Variants in PDE5A observed in about 807,000 individuals in gnomAD.
PDE5A encodes the protein cGMP-specific 3',5'-cyclic phosphodiesterase.
PDE5A carries 67 observed loss-of-function variants against 110.2 expected under a neutral mutation model. The ratio of observed to expected loss-of-function variants is 0.61; its 90% CI spans 0.50 to 0.75. PDE5A has a LOEUF of 0.75. PDE5A is among the 30% of genes least tolerant of loss of function. PDE5A has a pLI of 0.00. For missense variants in PDE5A, 862 were observed against 1,045.1 expected (o/e 0.82, Z 2.42); for synonymous variants, 328 against 351.2 (o/e 0.93, Z 0.74).
chr4:119,628,623 G>A lies in PDE5A; in HGVS notation c.49C>T (p.Pro17Ser). The stretch of plus-strand genomic sequence containing the variant: ...CTCTGCTGCTGCTTCTGCTGCTGGG[G>A]CTGCTGCTGCTGTCGCTGCTGCCCG... Reference protein sequence around the residue: ...SFGQQRQQQQPQQQKQQQRDQ... With the variant: ...SFGQQRQQQQSQQQKQQQRDQ... Residue 17 changes from proline to serine, a missense_variant, in exon 1 of 21, where the codon CCC (proline) becomes TCC (serine). By Grantham distance (74) the Pro-to-Ser change is moderately conservative. Coordinates refer to ENST00000354960, the MANE Select transcript of PDE5A (RefSeq NM_001083.4). 1 of 1,612,634 alleles carries A rather than the reference G, an allele frequency of 6.2e-7. No individual in the cohort carries two copies. The highest frequency in any genetic ancestry group is 8.5e-7 in the Non-Finnish European group (1 of 1,179,154).
intron 15 of PDE5A, among the ~76,000 whole-genome samples, chr4:119,510,707 C>T (rs1725708108): frequency 6.6e-6 from 1 of 152,046 alleles, no homozygotes; most frequent in South Asian, 2.1e-4. Flanking sequence ...TTTGTGAAAG[C>T]AAATGCTTGA....
chr4:119,580,157 A>T (rs1035101971), intron 3 of PDE5A, among the ~76,000 whole-genome samples: 1 of 152,114 alleles, frequency 6.6e-6, no homozygotes, highest in African/African-American at 2.4e-5. Flanking sequence ...TGGCATAATT[A>T]TTGATCCTAG....
At chr4:119,575,511 A>G (rs1026792125) in intron 3 of PDE5A, among the ~76,000 whole-genome samples, 7 of 152,214 alleles carry the variant, frequency 4.6e-5, no homozygotes, top group African/African-American at 1.7e-4. Flanking sequence ...TACAAGCCTG[A>G]AGAGAGTGGG....
chr4:119,579,113 G>C (rs199866365), intron 3 of PDE5A, among the ~76,000 whole-genome samples: 1 of 149,766 alleles, frequency 6.7e-6, no homozygotes, highest in Non-Finnish European at 1.5e-5. Flanking sequence ...GGCCATCAGA[G>C]AAATGCAAAT....
intron 3 of PDE5A, among the ~76,000 whole-genome samples, chr4:119,568,142 CT>C (rs143090270): frequency 2.0e-4 from 30 of 147,502 alleles, no homozygotes; most frequent in Non-Finnish European, 1.5e-4. Flanking sequence ...CTCTCTCTCT[CT>C]TTTTTTTTTG....
chr4:119,498,885 CA>C, intron 20 of PDE5A, 147 bp from the exon 21 acceptor site: 2 of 732,358 alleles, frequency 2.7e-6, no homozygotes, highest in East Asian at 5.3e-5. Flanking sequence ...AGCACATACA[CA>C]GATCATTTAC....
At chr4:119,563,843 A>T (rs575691529) in intron 5 of PDE5A, among the ~76,000 whole-genome samples, 1 of 152,176 alleles carries the variant, frequency 6.6e-6, no homozygotes, top group Non-Finnish European at 1.5e-5. Context: ...AGAATAGAAC[A>T]GGGAGAACAT....
intron 11 of PDE5A, among the ~76,000 whole-genome samples, chr4:119,532,389 A>C (rs1726573282): frequency 6.6e-6 from 1 of 152,164 alleles, no homozygotes; most frequent in African/African-American, 2.4e-5. Context: ...CAACACAATG[A>C]TAGAGAATGT....
intron 20 of PDE5A, 80 bp downstream of exon 20, chr4:119,501,090 C>G (rs979449820): frequency 3.7e-6 from 3 of 816,916 alleles, no homozygotes; most frequent in Non-Finnish European, 6.1e-6. Flanking sequence ...ATATAGGCGC[C>G]TAATATTAAT....
intron 3 of PDE5A, among the ~76,000 whole-genome samples, chr4:119,576,643 AACAAAGACACAACAT>A (rs1286365315): frequency 1.1e-4 from 17 of 152,200 alleles, no homozygotes; most frequent in African/African-American, 3.1e-4. Context: ...AACCAACGAG[AACAAAGACACAACAT>A]ACCAGAATCT....
intron 3 of PDE5A, among the ~76,000 whole-genome samples, chr4:119,579,787 A>T (rs188875189): frequency 2.0e-5 from 3 of 152,208 alleles, no homozygotes; most frequent in African/African-American, 7.2e-5. Flanking sequence ...ACATGTATAC[A>T]TATGTAACTA....
chr4:119,501,906 G>T (rs556470765), intron 19 of PDE5A, among the ~76,000 whole-genome samples: 13 of 152,082 alleles, frequency 8.5e-5, no homozygotes, highest in Non-Finnish European at 1.9e-4. Context: ...TATTCCCTTG[G>T]TGTAATGTTT....
At chr4:119,499,508 T>G (rs1725213152) in intron 20 of PDE5A, 1 of 152,160 alleles carries the variant, frequency 6.6e-6, no homozygotes, top group Admixed American at 6.6e-5. Flanking sequence ...CTGGTTTTAT[T>G]TTCCTTTTTG....
intron 9 of PDE5A, chr4:119,548,709 T>C (rs1376757228): frequency 3.3e-5 from 5 of 152,206 alleles, no homozygotes; most frequent in South Asian, 2.1e-4. Flanking sequence ...AATCTTTACA[T>C]TGTTTTTATT....
At chr4:119,611,271 T>A (rs1729733734) in intron 1 of PDE5A, among the ~76,000 whole-genome samples, 1 of 152,226 alleles carries the variant, frequency 6.6e-6, no homozygotes. Flanking sequence ...ATCTATCCCC[T>A]CTGACTAGAT....
intron 3 of PDE5A, among the ~76,000 whole-genome samples, chr4:119,592,553 G>A (rs565958963): frequency 2.0e-4 from 30 of 148,658 alleles, no homozygotes; most frequent in Admixed American, 7.4e-4. Context: ...CGAAATGCTC[G>A]GGACTTAGAA....
At chr4:119,549,349 G>GACTT (rs1727257285) in intron 9 of PDE5A, 1 of 152,220 alleles carries the variant, frequency 6.6e-6, no homozygotes, top group Non-Finnish European at 1.5e-5. Flanking sequence ...AAGTGTAAGA[G>GACTT]ACTTAGAAAA....
intron 7 of PDE5A, among the ~76,000 whole-genome samples, chr4:119,555,305 C>G (rs1727497849): frequency 6.6e-6 from 1 of 152,120 alleles, no homozygotes; most frequent in Non-Finnish European, 1.5e-5. Context: ...TTGAATATTT[C>G]TTGAGACTAG....
intron 17 of PDE5A, among the ~76,000 whole-genome samples, chr4:119,505,428 T>G (rs1455453987): frequency 1.3e-5 from 2 of 152,106 alleles, no homozygotes; most frequent in African/African-American, 4.8e-5. Flanking sequence ...AGAGACTTAA[T>G]AGTATTCCTT....
Sources: gnomAD v4.1 joint callset for allele counts (sites outside exome capture counted in the v4.1 genomes callset) on GRCh38, gnomAD v4.1.1 for gene constraint, MANE v1.5 for transcripts, NCBI Gene and HGNC (gene_info 2026-07-23, HGNC 2026-07-21) for gene names.